Variants in AP3S1 observed in about 807,000 individuals in gnomAD.
AP3S1 encodes adaptor related protein complex 3 subunit sigma 1, also known as AP-3 complex subunit sigma-1.
A neutral mutation model predicts 21.3 loss-of-function variants in AP3S1; 12 were observed. The ratio of observed to expected loss-of-function variants is 0.56; its 90% CI spans 0.36 to 0.91. AP3S1 has a LOEUF of 0.91. Ranked by LOEUF, AP3S1 falls within the 40% of genes least tolerant of loss-of-function variation. AP3S1 has a pLI of 0.01. For synonymous variants in AP3S1, 48 were observed against 78.4 expected, an observed-to-expected ratio of 0.61 and a Z score of 2.05; for missense variants, 116 against 225.0, an observed-to-expected ratio of 0.52 and a Z score of 3.10.
chr5:115,855,368 C>T (rs1465621160), intron 1 of AP3S1, among the ~76,000 whole-genome samples: 1 of 151,726 alleles, frequency 6.6e-6, no homozygotes, highest in African/African-American at 2.4e-5. Context: ...CAACCAGGGC[C>T]TCGCTCAGCC....
chr5:115,906,362 C>G (rs1354732705), intron 5 of AP3S1, among the ~76,000 whole-genome samples: 1 of 151,782 alleles, frequency 6.6e-6, no homozygotes, highest in Non-Finnish European at 1.5e-5. Context: ...GAAATCAGAG[C>G]TTTTATTATG....
At chr5:115,898,059 C>T (rs959235285) in intron 4 of AP3S1, among the ~76,000 whole-genome samples, 1 of 152,146 alleles carries the variant, frequency 6.6e-6, no homozygotes, top group African/African-American at 2.4e-5. Context: ...GGGTTATTTC[C>T]CATTCACGCA....
intron 2 of AP3S1, 52 bp from the exon 3 acceptor site, chr5:115,869,965 A>G: frequency 8.4e-7 from 1 of 1,192,054 alleles, no homozygotes; most frequent in Non-Finnish European, 1.2e-6. Flanking sequence ...TGAGCTAATG[A>G]AAATGATTCG....
chr5:115,891,925 G>A (rs1211730737), intron 3 of AP3S1, among the ~76,000 whole-genome samples: 1 of 152,142 alleles, frequency 6.6e-6, no homozygotes, highest in Non-Finnish European at 1.5e-5. Context: ...AGATCATTTT[G>A]GAGCTTTAAG....
chr5:115,878,122 T>G (rs1748896168), intron 3 of AP3S1, among the ~76,000 whole-genome samples: 1 of 152,234 alleles, frequency 6.6e-6, no homozygotes, highest in Non-Finnish European at 1.5e-5. Flanking sequence ...ATGGCTAGAT[T>G]GCAAAAATTT....
At chr5:115,868,019 A>G (rs1242098738) in intron 2 of AP3S1, among the ~76,000 whole-genome samples, 1 of 152,164 alleles carries the variant, frequency 6.6e-6, no homozygotes, top group Admixed American at 6.6e-5. Flanking sequence ...CAGGTTACTT[A>G]AATTCTCAGG....
chr5:115,864,867 C>T (rs1246071886), intron 1 of AP3S1, among the ~76,000 whole-genome samples: 1 of 152,216 alleles, frequency 6.6e-6, no homozygotes, highest in East Asian at 1.9e-4. Flanking sequence ...CGCCAGAAAA[C>T]AAATTGACAT....
At chr5:115,908,808 C>T (rs555832962) in intron 5 of AP3S1, among the ~76,000 whole-genome samples, 2 of 152,214 alleles carry the variant, frequency 1.3e-5, no homozygotes, top group South Asian at 4.2e-4. Context: ...TATATATCCC[C>T]AGATTAAAAG....
chr5:115,866,477 T>G (rs1338640478), intron 1 of AP3S1, among the ~76,000 whole-genome samples, 193 bp from the exon 2 acceptor site: 1 of 152,186 alleles, frequency 6.6e-6, no homozygotes, highest in African/African-American at 2.4e-5. Flanking sequence ...TATAAATAAT[T>G]GGGTTTTTTT....
At chr5:115,886,990 A>C (rs573278882) in intron 3 of AP3S1, among the ~76,000 whole-genome samples, 1 of 152,206 alleles carries the variant, frequency 6.6e-6, no homozygotes, top group South Asian at 2.1e-4. Context: ...ATAGAAATCC[A>C]GTCCAGAATG....
chr5:115,856,095 G>A (rs1762780725), intron 1 of AP3S1, among the ~76,000 whole-genome samples: 1 of 152,110 alleles, frequency 6.6e-6, no homozygotes, highest in Non-Finnish European at 1.5e-5. Flanking sequence ...ATGTAATCTA[G>A]GAGTTGTGAC....
intron 3 of AP3S1, among the ~76,000 whole-genome samples, chr5:115,877,886 C>T (rs985704040): frequency 3.3e-5 from 5 of 152,104 alleles, no homozygotes; most frequent in Non-Finnish European, 5.9e-5. Flanking sequence ...TTTTAATGAT[C>T]GCCATTCTAA....
intron 4 of AP3S1, among the ~76,000 whole-genome samples, chr5:115,900,412 C>G (rs771009432): frequency 1.3e-5 from 2 of 152,166 alleles, no homozygotes; most frequent in Non-Finnish European, 2.9e-5. Flanking sequence ...TTCATTTGAC[C>G]TGACCTACCC....
At chr5:115,890,418 A>G (rs6864225) in intron 3 of AP3S1, among the ~76,000 whole-genome samples, 35,334 of 152,162 alleles carry the variant, frequency 0.23, 4,680 homozygotes, top group African/African-American at 0.34. Flanking sequence ...TGTATCCTAT[A>G]ATCTCATTTT....
rs573821496 is a variant in AP3S1, at chr5:115,911,197, T to C, written c.454-2165T>C. ...AGGATGCATTTTTAAATTTTTTTAATTTATTTTTTGCTTTAGTTTAGCTCT... is the reference window on the plus strand; with the variant it reads ...AGGATGCATTTTTAAATTTTTTTAACTTATTTTTTGCTTTAGTTTAGCTCT... On this transcript the variant is annotated intron_variant, in intron 5 of 5. Transcript: ENST00000316788. Among the ~76,000 whole-genome samples, 92 of 152,240 alleles carry C rather than the reference T, an allele frequency of 6.0e-4. 1 individual carries two copies. The highest frequency in any genetic ancestry group is 2.1e-3 in the African/African-American group (89 of 41,554).
intron 1 of AP3S1, among the ~76,000 whole-genome samples, chr5:115,845,608 C>T (rs1205555478): frequency 1.3e-5 from 2 of 151,952 alleles, no homozygotes; most frequent in Admixed American, 6.6e-5. Flanking sequence ...CCAAGGCAGG[C>T]GGATCACCTG....
At chr5:115,843,996 A>G (rs1168768494) in intron 1 of AP3S1, among the ~76,000 whole-genome samples, 1 of 152,226 alleles carries the variant, frequency 6.6e-6, no homozygotes, top group Non-Finnish European at 1.5e-5. Flanking sequence ...TAGAAGATAT[A>G]AAAAGAAGAA....
intron 4 of AP3S1, among the ~76,000 whole-genome samples, chr5:115,895,834 A>G (rs1750712589): frequency 6.6e-6 from 1 of 152,208 alleles, no homozygotes; most frequent in African/African-American, 2.4e-5. Flanking sequence ...GAGGTTTGAA[A>G]GAAGGAAAAA....
At chr5:115,898,189 A>G (rs1431199336) in intron 4 of AP3S1, among the ~76,000 whole-genome samples, 1 of 152,190 alleles carries the variant, frequency 6.6e-6, no homozygotes, top group Non-Finnish European at 1.5e-5. Context: ...GGGTAAATTT[A>G]TCTGCTTTTC....
Sources: allele counts gnomAD v4.1 joint callset (sites outside exome capture counted in the v4.1 genomes callset), GRCh38; gene constraint gnomAD v4.1.1; transcripts MANE v1.5; gene names NCBI Gene and HGNC (gene_info 2026-07-23, HGNC 2026-07-21).